Variants in LRP1B observed in about 807,000 individuals in gnomAD.
LRP1B encodes low-density lipoprotein receptor-related protein 1B.
In LRP1B, 217 loss-of-function variants were observed where a neutral mutation model predicts 556.6. The ratio of observed to expected loss-of-function variants is 0.39; its 90% confidence interval spans 0.35 to 0.44. The LOEUF (loss-of-function observed/expected upper bound fraction) is 0.44, where lower values mean the gene tolerates loss of function less well. Ranked by LOEUF, LRP1B falls within the 20% of genes least tolerant of loss-of-function variation. The probability of loss-of-function intolerance (pLI) is 1.00; values close to 1 mark genes in which losing one functional copy is unlikely to be tolerated. For missense variants in LRP1B, 5,053 were observed against 5,620.8 expected (o/e 0.90, Z 3.23); for synonymous variants, 2,047 against 1,865.8 (o/e 1.10, Z -2.50).
At chr2:141,032,103 A>T (rs1698389371) in intron 11 of LRP1B, among the ~76,000 whole-genome samples, 1 of 152,060 alleles carries the variant, frequency 6.6e-6, no homozygotes, top group African/African-American at 2.4e-5. Context: ...CAGTTTATTG[A>T]TCCTTCCAAA....
intron 11 of LRP1B, among the ~76,000 whole-genome samples, chr2:141,043,888 A>G (rs1698782531): frequency 6.6e-6 from 1 of 151,964 alleles, no homozygotes; most frequent in South Asian, 2.1e-4. Context: ...CAAGCTACCA[A>G]CGCCTTTCTT....
chr2:141,938,787 T>C (rs981246236), intron 1 of LRP1B, among the ~76,000 whole-genome samples: 2 of 152,092 alleles, frequency 1.3e-5, no homozygotes, highest in African/African-American at 4.8e-5. Context: ...TGTGTATCTA[T>C]ATATACATAA....
chr2:141,544,079 G>A (rs575739792), intron 2 of LRP1B, among the ~76,000 whole-genome samples: 8 of 152,054 alleles, frequency 5.3e-5, no homozygotes, highest in Non-Finnish European at 1.0e-4. Flanking sequence ...TAATTTTTTC[G>A]TGGTCTTACC....
At chr2:141,990,236 C>T (rs930881062) in intron 1 of LRP1B, among the ~76,000 whole-genome samples, 1 of 151,996 alleles carries the variant, frequency 6.6e-6, no homozygotes, top group Non-Finnish European at 1.5e-5. Flanking sequence ...AGTCTATAAT[C>T]AGATAAACAA....
rs1044715276 is a variant in LRP1B at position 140,516,408 on chromosome 2, G to C, written c.8149+481C>G. ...AAAATGTACAGGATGATGTGCATAG[G>C]TTATATGCAACTACTAGGCTGCTTT... On this transcript the variant is annotated intron_variant, in intron 50 of 90. Transcript: ENST00000389484. Among the ~76,000 whole-genome samples the C allele has an allele frequency of 2.3e-4, 34 of 151,008 alleles. 1 individual carries two copies. Among genetic ancestry groups the C allele is most frequent in the Admixed American group, 2.1e-3 (31 of 15,118 alleles).
At chr2:141,789,787 G>A (rs571312597) in intron 2 of LRP1B, among the ~76,000 whole-genome samples, 9 of 151,994 alleles carry the variant, frequency 5.9e-5, no homozygotes, top group African/African-American at 1.9e-4. Flanking sequence ...TTGCAATGAG[G>A]TGGTCTAATA....
chr2:140,923,393 A>G (rs1006859142), intron 20 of LRP1B, among the ~76,000 whole-genome samples: 1 of 152,106 alleles, frequency 6.6e-6, no homozygotes, highest in Non-Finnish European at 1.5e-5. Context: ...AAAATTTCTG[A>G]AAGTACTATG....
intron 66 of LRP1B, among the ~76,000 whole-genome samples, chr2:140,421,398 G>C (rs1187351960): frequency 2.0e-5 from 3 of 152,146 alleles, no homozygotes; most frequent in Admixed American, 6.5e-5. Flanking sequence ...ATATTGGCCG[G>C]AAGATTTATA....
At chr2:141,141,999 G>T (rs1056323704) in intron 7 of LRP1B, among the ~76,000 whole-genome samples, 20 of 147,690 alleles carry the variant, frequency 1.4e-4, no homozygotes, top group African/African-American at 4.7e-4. Context: ...AAACGATAGG[G>T]TTTTTTTTTT....
intron 1 of LRP1B, among the ~76,000 whole-genome samples, chr2:141,938,835 G>C (rs1241585471): frequency 6.6e-6 from 1 of 152,022 alleles, no homozygotes; most frequent in Non-Finnish European, 1.5e-5. Context: ...AGAAGGTCCT[G>C]TCATTTGTGA....
At chr2:140,987,088 A>C (rs1696949155) in intron 17 of LRP1B, among the ~76,000 whole-genome samples, 1 of 152,134 alleles carries the variant, frequency 6.6e-6, no homozygotes, top group South Asian at 2.1e-4. Flanking sequence ...TATGTGACCT[A>C]TTTATATATT....
chr2:140,588,742 G>A (rs1682091032), intron 43 of LRP1B, among the ~76,000 whole-genome samples: 1 of 152,086 alleles, frequency 6.6e-6, no homozygotes, highest in African/African-American at 2.4e-5. Context: ...AAGGCGGGTG[G>A]ATCACGAGGT....
In LRP1B at chr2:140,741,483, AT is replaced by A. The variant is rs74266699; in HGVS notation, c.5759-24668del. ...GCCAATGTTCAGCAACCACACTATT[AT>A]TTTTTTTTTCTTTTAGGTTTAGTGG... On this transcript the variant is annotated intron_variant, in intron 35 of 90. Transcript: ENST00000389484. 2.5e-4 allele frequency among the ~76,000 whole-genome samples: 38 copies of A among 149,384 alleles called. 1 individual carries two copies. The highest frequency in any genetic ancestry group is 5.4e-4 in the African/African-American group (22 of 40,650).
intron 8 of LRP1B, among the ~76,000 whole-genome samples, chr2:141,060,366 G>C (rs1699302478): frequency 1.3e-5 from 2 of 151,702 alleles, no homozygotes; most frequent in South Asian, 4.1e-4. Flanking sequence ...GTATGGACAT[G>C]TGTTGTATTT....
At chr2:140,654,657 G>A (rs371946630) in intron 41 of LRP1B, among the ~76,000 whole-genome samples, 7 of 151,848 alleles carry the variant, frequency 4.6e-5, no homozygotes, top group Middle Eastern at 3.4e-3. Context: ...TTTTTTCCCC[G>A]ATAACACAGA....
At chr2:141,109,629 G>A (rs1350181400) in intron 7 of LRP1B, among the ~76,000 whole-genome samples, 1 of 148,810 alleles carries the variant, frequency 6.7e-6, no homozygotes, top group African/African-American at 2.5e-5. Flanking sequence ...AGAGTTACTT[G>A]CCTAAGTGTA....
chr2:140,713,600 C>T (rs1687113172), intron 37 of LRP1B, among the ~76,000 whole-genome samples: 1 of 151,954 alleles, frequency 6.6e-6, no homozygotes, highest in Non-Finnish European at 1.5e-5. Flanking sequence ...GTTTGGAGTT[C>T]ACTTGGTAAA....
chr2:141,105,723 ATGGACC>A (rs996467579), intron 7 of LRP1B, among the ~76,000 whole-genome samples: 1 of 152,182 alleles, frequency 6.6e-6, no homozygotes, highest in African/African-American at 2.4e-5. Flanking sequence ...ACATAAATTG[ATGGACC>A]TGGCTTTTCA....
intron 2 of LRP1B, among the ~76,000 whole-genome samples, chr2:141,751,035 G>GTA (rs1694092160): frequency 6.6e-6 from 1 of 151,588 alleles, no homozygotes; most frequent in African/African-American, 2.4e-5. Flanking sequence ...AAACATTTAA[G>GTA]TATATATATA....
Sources: gnomAD v4.1 joint callset for allele counts (sites outside exome capture counted in the v4.1 genomes callset) on GRCh38, gnomAD v4.1.1 for gene constraint, MANE v1.5 for transcripts, NCBI Gene and HGNC (gene_info 2026-07-23, HGNC 2026-07-21) for gene names.